EDIL3: variants seen among roughly 807,000 people sequenced by gnomAD.
EDIL3 encodes the protein EGF like and discoidin domains 3.
In EDIL3, 37 loss-of-function variants were observed where a neutral mutation model predicts 67.4. The observed-to-expected ratio is 0.55, with a 90% confidence interval of 0.42 to 0.72. EDIL3 has a LOEUF of 0.72. Among genes scored for constraint, EDIL3 ranks in the 30% least tolerant of loss-of-function variants. The probability of loss-of-function intolerance (pLI) is 0.00; values close to 1 mark genes in which losing one functional copy is unlikely to be tolerated. For synonymous variants in EDIL3, 195 were observed against 196.3 expected (o/e 0.99, Z 0.05); for missense variants, 527 against 586.3 (o/e 0.90, Z 1.04).
chr5:84,282,072 C>T (rs996752317), intron 1 of EDIL3, among the ~76,000 whole-genome samples: 5 of 151,420 alleles, frequency 3.3e-5, no homozygotes, highest in African/African-American at 1.2e-4. Context: ...GGGGTTTCAC[C>T]ATGTTGGCCA....
intron 9 of EDIL3, among the ~76,000 whole-genome samples, chr5:83,974,622 T>C (rs1378687579): frequency 1.3e-5 from 2 of 152,038 alleles, no homozygotes; most frequent in East Asian, 1.9e-4. Context: ...CTCCAGCAGA[T>C]CTGGCAGGGC....
At chr5:84,163,954 T>C (rs1748658321) in intron 4 of EDIL3, among the ~76,000 whole-genome samples, 1 of 152,112 alleles carries the variant, frequency 6.6e-6, no homozygotes, top group Non-Finnish European at 1.5e-5. Flanking sequence ...TTTATACTAA[T>C]ACATAGCTCT....
intron 6 of EDIL3, among the ~76,000 whole-genome samples, chr5:84,090,757 C>T (rs1747150932): frequency 6.6e-6 from 1 of 151,736 alleles, no homozygotes; most frequent in South Asian, 2.1e-4. Context: ...ACCATCCTGG[C>T]CAACATGGTG....
At chr5:84,311,604 C>T (rs181204957) in intron 1 of EDIL3, among the ~76,000 whole-genome samples, 652 of 150,888 alleles carry the variant, frequency 4.3e-3, no homozygotes, top group African/African-American at 0.014. Flanking sequence ...GTGTTTCTCA[C>T]AGAGGGGGAT....
At chr5:84,296,869 T>G (rs2112125169) in intron 1 of EDIL3, among the ~76,000 whole-genome samples, 1 of 152,228 alleles carries the variant, frequency 6.6e-6, no homozygotes, top group South Asian at 2.1e-4. Context: ...TACAAGGAAC[T>G]TAAGCAAATT....
intron 1 of EDIL3, among the ~76,000 whole-genome samples, chr5:84,314,919 A>T (rs1422815417): frequency 6.6e-6 from 1 of 152,066 alleles, no homozygotes; most frequent in Admixed American, 6.6e-5. Context: ...ATATTTTTTG[A>T]ATTTTATTAT....
chr5:84,024,462 T>C (rs1302239195), intron 9 of EDIL3, among the ~76,000 whole-genome samples: 3 of 152,160 alleles, frequency 2.0e-5, no homozygotes, highest in Admixed American at 1.3e-4. Context: ...ACCCATTATA[T>C]ATAGGGCCCT....
intron 9 of EDIL3, among the ~76,000 whole-genome samples, chr5:84,015,569 CTCAG>C (rs1344851621): frequency 1.3e-5 from 2 of 151,998 alleles, no homozygotes; most frequent in African/African-American, 2.4e-5. Context: ...CAACAAAACT[CTCAG>C]TATTATATTA....
rs556515140 is a variant in EDIL3 at position 83,941,782 on chromosome 5, C to T, written c.*1637G>A. On this transcript the variant is annotated 3_prime_UTR_variant, in exon 11 of 11. Coordinates refer to ENST00000296591, the MANE Select transcript of EDIL3 (RefSeq NM_005711.5). Reference sequence around the variant, plus strand: ...ATATGGGCAAGGAACAAATATGTGGCCAGCCAGTCCCCTTAGACGAACTAA... The same window carrying T: ...ATATGGGCAAGGAACAAATATGTGGTCAGCCAGTCCCCTTAGACGAACTAA... 1 of 152,002 alleles carries T rather than the reference C, an allele frequency of 6.6e-6. No homozygotes were observed. Among genetic ancestry groups the T allele is most frequent in the South Asian group, 2.1e-4 (1 of 4,820 alleles). 9.4% of individuals were successfully genotyped at this position (152,002 alleles called of 1,614,324 possible).
Position 84,055,287 on chromosome 5 carries a change from G to A in EDIL3, c.1137+5013C>T, listed in dbSNP as rs1336620422. Among the ~76,000 whole-genome samples, 10 of 146,030 alleles carry A rather than the reference G, an allele frequency of 6.8e-5. 1 individual carries two copies. The highest frequency in any genetic ancestry group is 2.2e-4 in the South Asian group (1 of 4,556). On this transcript the variant is annotated intron_variant, in intron 9 of 10. Transcript: ENST00000296591. ...AAAGCTGAAACTGGATCCCTTCCTC[G>A]CACCTTATAAAAAATTAATTCAAGA...
chr5:84,201,224 G>T (rs2112378224), intron 3 of EDIL3, among the ~76,000 whole-genome samples: 1 of 152,060 alleles, frequency 6.6e-6, no homozygotes, highest in South Asian at 2.1e-4. Context: ...AAGAAAGGTA[G>T]GGGTATCAAT....
chr5:84,321,255 A>G (rs967490392), intron 1 of EDIL3, among the ~76,000 whole-genome samples: 8 of 152,082 alleles, frequency 5.3e-5, no homozygotes, highest in Admixed American at 1.3e-4. Context: ...TATTTTGAAA[A>G]TATCTTTCAT....
chr5:83,941,957 G>A lies in EDIL3; in HGVS notation c.*1462C>T, dbSNP rs1170192840. On this transcript the variant is annotated 3_prime_UTR_variant, in exon 11 of 11. Coordinates refer to ENST00000296591, the MANE Select transcript of EDIL3 (RefSeq NM_005711.5). ...ACAGTCTAGTGGCTTTTGTTATGCAGCACAAATATTAAAGGAAAAAAATAG... is the reference window on the plus strand; with the variant it reads ...ACAGTCTAGTGGCTTTTGTTATGCAACACAAATATTAAAGGAAAAAAATAG... 1.3e-5 allele frequency: 2 copies of A among 151,932 alleles called. No homozygotes were observed. The highest frequency in any genetic ancestry group is 1.5e-5 in the Non-Finnish European group (1 of 67,910). The allele number at this position is 151,932 out of a possible 1,614,324, so 9.4% of individuals were successfully genotyped here.
intron 1 of EDIL3, among the ~76,000 whole-genome samples, chr5:84,302,678 C>T (rs1746184579): frequency 6.6e-6 from 1 of 152,178 alleles, no homozygotes; most frequent in Admixed American, 6.5e-5. Flanking sequence ...CAAAAATGTC[C>T]ATGAAATGTT....
At chr5:84,290,987 A>G (rs1184350922) in intron 1 of EDIL3, among the ~76,000 whole-genome samples, 1 of 152,162 alleles carries the variant, frequency 6.6e-6, no homozygotes. Context: ...CATTTAAACT[A>G]AAAATATTCT....
intron 1 of EDIL3, among the ~76,000 whole-genome samples, chr5:84,258,505 G>T (rs1406641067): frequency 6.6e-6 from 1 of 152,202 alleles, no homozygotes; most frequent in Non-Finnish European, 1.5e-5. Flanking sequence ...TCCAGGTAGA[G>T]TGAGGGCCTA....
intron 9 of EDIL3, 27 bp from the exon 10 acceptor site, chr5:83,963,387 TAAATGCGACAACC>T (rs756564079): frequency 3.8e-6 from 6 of 1,566,378 alleles, no homozygotes; most frequent in Non-Finnish European, 5.2e-6. Flanking sequence ...ATACAGGCTT[TAAATGCGACAACC>T]AAGTTGTAAA....
chr5:84,272,935 C>T (rs1223538131), intron 1 of EDIL3, among the ~76,000 whole-genome samples: 1 of 151,988 alleles, frequency 6.6e-6, no homozygotes. Context: ...CACATTGTGT[C>T]AACATTGTTG....
chr5:84,362,568 C>G (rs1747631180), intron 1 of EDIL3, among the ~76,000 whole-genome samples: 1 of 152,074 alleles, frequency 6.6e-6, no homozygotes, highest in Non-Finnish European at 1.5e-5. Context: ...CATAAACAAA[C>G]CTGAGAAGTC....
Sources: gnomAD v4.1 joint callset for allele counts (sites outside exome capture counted in the v4.1 genomes callset) on GRCh38, gnomAD v4.1.1 for gene constraint, MANE v1.5 for transcripts, NCBI Gene and HGNC (gene_info 2026-07-23, HGNC 2026-07-21) for gene names.